Variants in GABRB3 observed in about 807,000 individuals in gnomAD.
GABRB3 encodes gamma-aminobutyric acid receptor subunit beta-3.
Under a neutral mutation model 52.1 loss-of-function variants are expected in GABRB3, and 14 were observed. That is an observed-to-expected ratio of 0.27 (90% CI 0.18 to 0.42). The LOEUF is 0.42. GABRB3 is among the 10% of genes least tolerant of loss of function. The pLI, the probability that GABRB3 is intolerant of heterozygous loss-of-function variation, is 1.00. For synonymous variants in GABRB3, 260 were observed against 232.3 expected (o/e 1.12, Z -1.08); for missense variants, 307 against 609.1 (o/e 0.50, Z 5.22).
intron 8 of GABRB3, among the ~76,000 whole-genome samples, chr15:26,553,993 G>A (rs1221703115): frequency 1.1e-5 from 1 of 89,606 alleles, no homozygotes; most frequent in Non-Finnish European, 2.3e-5. Flanking sequence ...TCTTACCTCA[G>A]CCTCCCGAGT....
intron 2 of GABRB3, 66 bp from the exon 3 acceptor site, chr15:26,772,535 C>G: frequency 6.5e-7 from 1 of 1,542,548 alleles, no homozygotes; most frequent in African/African-American, 1.4e-5. Context: ...GCTCTGAGGA[C>G]TGGGGGCTAT....
chr15:26,684,800 T>C (rs1888351550), intron 3 of GABRB3, among the ~76,000 whole-genome samples: 1 of 152,092 alleles, frequency 6.6e-6, no homozygotes, highest in African/African-American at 2.4e-5. Flanking sequence ...GTGCTGTTCA[T>C]GGTGCCCCAA....
chr15:26,710,624 C>T (rs889587084), intron 3 of GABRB3, among the ~76,000 whole-genome samples: 3 of 152,174 alleles, frequency 2.0e-5, no homozygotes, highest in African/African-American at 7.2e-5. Flanking sequence ...CTTAAGAAAC[C>T]TTCAAATAGT....
At chr15:26,597,350 C>A (rs1891430684) in intron 4 of GABRB3, among the ~76,000 whole-genome samples, 1 of 152,206 alleles carries the variant, frequency 6.6e-6, no homozygotes, top group South Asian at 2.1e-4. Context: ...AAATAGATTT[C>A]TTGGGAGAGT....
intron 3 of GABRB3, among the ~76,000 whole-genome samples, chr15:26,688,472 T>C (rs751405995): frequency 6.6e-6 from 1 of 152,172 alleles, no homozygotes; most frequent in African/African-American, 2.4e-5. Context: ...GGTTTTGTGG[T>C]TGTTTGTTTT....
chr15:26,700,411 T>C (rs34678308), intron 3 of GABRB3, among the ~76,000 whole-genome samples: 4,241 of 152,306 alleles, frequency 0.028, 96 homozygotes, highest in Non-Finnish European at 0.041. Flanking sequence ...AGAATTAATA[T>C]CAATTCTATG....
intron 4 of GABRB3, among the ~76,000 whole-genome samples, chr15:26,605,545 ATGT>A (rs1891756865): frequency 6.6e-6 from 1 of 152,220 alleles, no homozygotes; most frequent in South Asian, 2.1e-4. Flanking sequence ...GATAAAGAAA[ATGT>A]TGTACTTACA....
intron 3 of GABRB3, among the ~76,000 whole-genome samples, chr15:26,654,763 A>T (rs931360153): frequency 1.3e-5 from 2 of 152,096 alleles, no homozygotes; most frequent in African/African-American, 4.8e-5. Flanking sequence ...CTTGTCTCAA[A>T]AAAAGGGGAG....
intron 3 of GABRB3, among the ~76,000 whole-genome samples, chr15:26,674,431 A>AGAAAAGAAAGGAAAGGAAAG (rs1566800635): frequency 1.7e-4 from 16 of 94,056 alleles, no homozygotes; most frequent in African/African-American, 7.4e-4. Context: ...AGAAAAGAAA[A>AGAAAAGAAAGGAAAGGAAAG]GAAAGGAAAG....
At chr15:26,691,592 GA>G (rs1406701259) in intron 3 of GABRB3, among the ~76,000 whole-genome samples, 1 of 151,804 alleles carries the variant, frequency 6.6e-6, no homozygotes, top group Non-Finnish European at 1.5e-5. Context: ...AGGGAAGGAA[GA>G]AAAAAAATTG....
At position 26,624,550 on chromosome 15, in the gene GABRB3, G is replaced by A. The variant is rs558770952; in HGVS notation, c.241-3016C>T. On this transcript the variant is annotated intron_variant, in intron 3 of 8. Coordinates refer to ENST00000311550, the MANE Select transcript of GABRB3 (RefSeq NM_000814.6). ...TCCGCGTCTTATTTTGGACTGTGTC[G>A]CTCTCCGCACCACCAGCAGCGCCTC... The A allele has an allele frequency of 2.7e-5, 27 of 985,416 alleles. 1 individual carries two copies. The South Asian group carries it at 3.8e-4, about 14-fold the overall frequency. The allele number at this position is 985,416 out of a possible 1,614,324, so 61.0% of individuals were successfully genotyped here.
At chr15:26,737,617 A>ATGTG (rs138524604) in intron 3 of GABRB3, among the ~76,000 whole-genome samples, 34 of 149,394 alleles carry the variant, frequency 2.3e-4, no homozygotes, top group East Asian at 2.0e-3. Flanking sequence ...ATTTACTACA[A>ATGTG]TGTGTGTGTG....
chr15:26,636,554 C>G (rs959937971), intron 3 of GABRB3, among the ~76,000 whole-genome samples: 1 of 152,194 alleles, frequency 6.6e-6, no homozygotes, highest in Non-Finnish European at 1.5e-5. Context: ...TATCTGCACT[C>G]CCTCCCTTAA....
chr15:26,712,225 G>C lies in GABRB3; in HGVS notation c.240+60177C>G, dbSNP rs1889322464. 5.9e-5 allele frequency among the ~76,000 whole-genome samples: 9 copies of C among 151,914 alleles called. No individual in the cohort carries two copies. In the South Asian group the frequency reaches 1.9e-3, roughly 32 times the overall value. On this transcript the variant is annotated intron_variant, in intron 3 of 8. Coordinates refer to ENST00000311550, the MANE Select transcript of GABRB3 (RefSeq NM_000814.6). The stretch of plus-strand genomic sequence containing the variant: ...GACAGCATCTCATTATGTTGCCCAG[G>C]CTGGTCTTGAACTCCTGGCCTCAGG...
chr15:26,739,179 G>A (rs761606430), intron 3 of GABRB3, among the ~76,000 whole-genome samples: 3 of 151,980 alleles, frequency 2.0e-5, no homozygotes, highest in East Asian at 2.0e-4. Context: ...GTCCAGCCTC[G>A]CCCAGCCCAG....
At chr15:26,723,714 G>A (rs936485631) in intron 3 of GABRB3, among the ~76,000 whole-genome samples, 5 of 152,286 alleles carry the variant, frequency 3.3e-5, no homozygotes, top group Middle Eastern at 3.4e-3. Flanking sequence ...CACCAGGAAC[G>A]TGAGGAACAC....
At chr15:26,761,002 A>T (rs1431612022) in intron 3 of GABRB3, among the ~76,000 whole-genome samples, 1 of 152,192 alleles carries the variant, frequency 6.6e-6, no homozygotes, top group Non-Finnish European at 1.5e-5. Context: ...TTGTCCTCTT[A>T]TGAGAGTACT....
intron 6 of GABRB3, among the ~76,000 whole-genome samples, chr15:26,576,750 G>A (rs988897471): frequency 1.3e-5 from 2 of 152,152 alleles, no homozygotes; most frequent in East Asian, 1.9e-4. Context: ...TAAGGGGGCA[G>A]GCACTGGACA....
Position 26,650,876 on chromosome 15 carries a change from G to C in GABRB3, c.241-29342C>G, listed in dbSNP as rs112641165. 8.7e-3 allele frequency among the ~76,000 whole-genome samples: 1,327 copies of C among 152,206 alleles called. 28 individuals are homozygous for C. Among genetic ancestry groups the C allele is most frequent in the African/African-American group, 0.031 (1,271 of 41,544 alleles). Reference sequence around the variant, plus strand: ...CGGACTTCAGAGAAGAGGCGATCAGGCTTCAGGAAAGATGGCCTGCCCTCC... The same window carrying C: ...CGGACTTCAGAGAAGAGGCGATCAGCCTTCAGGAAAGATGGCCTGCCCTCC... On this transcript the variant is annotated intron_variant, in intron 3 of 8. Transcript: ENST00000311550.
Sources: allele counts gnomAD v4.1 joint callset (sites outside exome capture counted in the v4.1 genomes callset), GRCh38; gene constraint gnomAD v4.1.1; transcripts MANE v1.5; gene names NCBI Gene and HGNC (gene_info 2026-07-23, HGNC 2026-07-21).